SMYD3: variants seen among roughly 807,000 people sequenced by gnomAD.
SMYD3 encodes the protein SET and MYND domain containing 3, also known as histone-lysine N-methyltransferase SMYD3.
Under a neutral mutation model 57.7 loss-of-function variants are expected in SMYD3, and 36 were observed. The observed-to-expected ratio is 0.62, with a 90% CI of 0.48 to 0.82. The LOEUF is 0.82. SMYD3 is among the 40% of genes least tolerant of loss of function. The pLI, the probability that SMYD3 is intolerant of heterozygous loss-of-function variation, is 0.00. For missense variants in SMYD3, 515 were observed against 538.8 expected (o/e 0.96, Z 0.44); for synonymous variants, 211 against 195.0 (o/e 1.08, Z -0.68).
At chr1:246,344,546 G>C (rs2065680814) in intron 2 of SMYD3, among the ~76,000 whole-genome samples, 1 of 152,192 alleles carries the variant, frequency 6.6e-6, no homozygotes, top group African/African-American at 2.4e-5. Context: ...TTATGTACAA[G>C]TTGTTTTTGT....
intron 5 of SMYD3, among the ~76,000 whole-genome samples, chr1:246,027,971 G>C (rs2059605743): frequency 6.6e-6 from 1 of 152,146 alleles, no homozygotes; most frequent in African/African-American, 2.4e-5. Flanking sequence ...CAAGAGTTTG[G>C]AAGGTTGATT....
chr1:245,976,113 AGCCCAGGGAAAGCCATCGTCTCCG>A (rs1449400232), intron 5 of SMYD3, among the ~76,000 whole-genome samples: 2 of 24,090 alleles, frequency 8.3e-5, no homozygotes, highest in Admixed American at 5.0e-4. Context: ...CATCGTCTCT[AGCCCAGGGAAAGCCATCGTCTCCG>A]GCCCAGGGAA....
At chr1:246,408,455 T>C (rs947818100) in intron 1 of SMYD3, among the ~76,000 whole-genome samples, 7 of 152,178 alleles carry the variant, frequency 4.6e-5, no homozygotes, top group Admixed American at 2.0e-4. Flanking sequence ...GGGAAAGAAC[T>C]GGTCTACAGA....
intron 5 of SMYD3, among the ~76,000 whole-genome samples, chr1:245,993,701 T>C (rs2058861985): frequency 6.6e-6 from 1 of 151,506 alleles, no homozygotes; most frequent in Non-Finnish European, 1.5e-5. Flanking sequence ...CCTAGAGTGG[T>C]CAAACTTATA....
chr1:246,435,351 G>A (rs2067355449), intron 1 of SMYD3, among the ~76,000 whole-genome samples: 1 of 151,968 alleles, frequency 6.6e-6, no homozygotes, highest in African/African-American at 2.4e-5. Flanking sequence ...ATGTGTTTGT[G>A]ATTATCTGAA....
At chr1:246,447,080 T>G (rs2067560401) in intron 1 of SMYD3, among the ~76,000 whole-genome samples, 1 of 151,908 alleles carries the variant, frequency 6.6e-6, no homozygotes, top group African/African-American at 2.4e-5. Flanking sequence ...ACACCATAAC[T>G]TAGAGCAAGT....
intron 5 of SMYD3, among the ~76,000 whole-genome samples, chr1:246,039,006 C>A (rs929450509): frequency 3.9e-5 from 6 of 152,060 alleles, no homozygotes; most frequent in Non-Finnish European, 8.8e-5. Flanking sequence ...CAAAAATTGG[C>A]CGTTCAAGTC....
In SMYD3 at chr1:245,928,000, G is replaced by A. The variant is rs201266204; in HGVS notation, c.633C>T (p.Asn211=). Residue 211 remains asparagine, a synonymous_variant, in exon 7 of 12, where the codon AAC becomes AAT. Coordinates refer to ENST00000490107, the MANE Select transcript of SMYD3 (RefSeq NM_001167740.2). ...GGGGCCCATTGAACACAATCGAACA[G>A]TTGGGGTCACAGCTGTGATTGAGCA... The part of the protein sequence containing the change: ...ISLLNHSCDP[N]CSIVFNGPHL... The A allele has an allele frequency of 1.5e-5, 24 of 1,612,434 alleles. No individual in the cohort carries two copies. The highest frequency in any genetic ancestry group is 2.0e-5 in the Non-Finnish European group (23 of 1,179,092).
chr1:245,917,034 T>A (rs1433501494), intron 7 of SMYD3, among the ~76,000 whole-genome samples: 9 of 144,486 alleles, frequency 6.2e-5, no homozygotes, highest in Admixed American at 1.4e-4. Context: ...CATTGGGCTT[T>A]AAAAAAAAAA....
Position 245,806,912 on chromosome 1 carries a change from G to A in SMYD3, c.1077-42763C>T, listed in dbSNP as rs556164355. ...GGCCTGGGCGACAGAGCGAGACTCCGTCTCAAAAAAAAAAAAAAAAAAAAA... is the reference window on the plus strand; with the variant it reads ...GGCCTGGGCGACAGAGCGAGACTCCATCTCAAAAAAAAAAAAAAAAAAAAA... On this transcript the variant is annotated intron_variant, in intron 10 of 11. Coordinates refer to ENST00000490107, the MANE Select transcript of SMYD3 (RefSeq NM_001167740.2). Among the ~76,000 whole-genome samples the A allele has an allele frequency of 2.2e-3, 154 of 69,092 alleles. 2 individuals are homozygous for A. Among genetic ancestry groups the A allele is most frequent in the East Asian group, 9.9e-3 (16 of 1,618 alleles). 45.3% of individuals were successfully genotyped at this position (69,092 alleles called of 152,430 possible).
intron 8 of SMYD3, among the ~76,000 whole-genome samples, chr1:245,895,203 C>A (rs2053684645): frequency 6.6e-6 from 1 of 152,124 alleles, no homozygotes; most frequent in South Asian, 2.1e-4. Flanking sequence ...CAGTCATTCA[C>A]TCTGGGGGAA....
chr1:246,326,498 G>T, intron 5 of SMYD3: 1 of 576,464 alleles, frequency 1.7e-6, no homozygotes, highest in Non-Finnish European at 3.0e-6. Context: ...AGGAGGCCGG[G>T]CGTGGCAGTT....
intron 10 of SMYD3, among the ~76,000 whole-genome samples, chr1:245,850,018 G>C (rs985357377): frequency 6.6e-6 from 1 of 152,092 alleles, no homozygotes; most frequent in Non-Finnish European, 1.5e-5. Flanking sequence ...AGCCAGGGAA[G>C]AGTATAAAAA....
chr1:246,419,381 C>T (rs976562651), intron 1 of SMYD3, among the ~76,000 whole-genome samples: 2 of 152,304 alleles, frequency 1.3e-5, no homozygotes, highest in African/African-American at 2.4e-5. Context: ...TCCCGATGTC[C>T]GGCCACTTGT....
chr1:245,843,332 A>T (rs1230306520), intron 10 of SMYD3, among the ~76,000 whole-genome samples: 13 of 152,118 alleles, frequency 8.5e-5, no homozygotes, highest in Non-Finnish European at 2.9e-5. Flanking sequence ...CAGGTTTAAG[A>T]AGGCAGCTGC....
chr1:246,209,286 A>T (rs1035566688), intron 5 of SMYD3, among the ~76,000 whole-genome samples: 1 of 147,868 alleles, frequency 6.8e-6, no homozygotes, highest in African/African-American at 2.5e-5. Flanking sequence ...TGTAAAAGCC[A>T]TCTATAAGTC....
chr1:246,408,299 A>G (rs2066902165), intron 1 of SMYD3, among the ~76,000 whole-genome samples: 3 of 152,168 alleles, frequency 2.0e-5, no homozygotes, highest in Admixed American at 2.0e-4. Context: ...AACTGTCTAT[A>G]TAAATAGTTA....
intron 5 of SMYD3, among the ~76,000 whole-genome samples, chr1:246,152,588 T>C (rs549964682): frequency 2.4e-4 from 37 of 152,372 alleles, no homozygotes; most frequent in South Asian, 1.0e-3. Context: ...TTTAATTGCA[T>C]GTAATTTCAT....
At chr1:245,850,672 G>A (rs942399600) in intron 10 of SMYD3, among the ~76,000 whole-genome samples, 1 of 152,160 alleles carries the variant, frequency 6.6e-6, no homozygotes, top group African/African-American at 2.4e-5. Context: ...CTACACTCCA[G>A]CCTGGACAAC....
Sources: allele counts gnomAD v4.1 joint callset (sites outside exome capture counted in the v4.1 genomes callset), GRCh38; gene constraint gnomAD v4.1.1; transcripts MANE v1.5; gene names NCBI Gene and HGNC (gene_info 2026-07-23, HGNC 2026-07-21).